DAB1: variants seen among roughly 807,000 people sequenced by gnomAD.
DAB1 encodes the protein DAB adaptor protein 1.
In DAB1, 15 loss-of-function variants were observed where a neutral mutation model predicts 64.6. The observed-to-expected ratio is 0.23, with a 90% CI of 0.16 to 0.36. DAB1 has a LOEUF of 0.36. Ranked by LOEUF, DAB1 falls within the 10% of genes least tolerant of loss-of-function variation. The pLI, the probability that DAB1 is intolerant of heterozygous loss-of-function variation, is 1.00. For missense variants in DAB1, 596 were observed against 706.7 expected (o/e 0.84, Z 1.78); for synonymous variants, 235 against 251.9 (o/e 0.93, Z 0.64).
intron 5 of DAB1, among the ~76,000 whole-genome samples, chr1:57,911,992 CTT>C (rs1281064858): frequency 6.6e-6 from 1 of 152,194 alleles, no homozygotes; most frequent in East Asian, 1.9e-4. Flanking sequence ...TGTGGTTTGT[CTT>C]TTCCCAACTG....
chr1:57,617,789 C>T (rs1645806368), intron 7 of DAB1, among the ~76,000 whole-genome samples: 1 of 152,190 alleles, frequency 6.6e-6, no homozygotes, highest in African/African-American at 2.4e-5. Context: ...CCAAGACTCA[C>T]CTGTGCTTGT....
At chr1:57,173,786 G>A (rs936999007) in intron 2 of DAB1, among the ~76,000 whole-genome samples, 5 of 152,034 alleles carry the variant, frequency 3.3e-5, no homozygotes, top group African/African-American at 1.2e-4. Context: ...TATTAACAGA[G>A]TTCCCAGCAA....
intron 7 of DAB1, among the ~76,000 whole-genome samples, chr1:57,464,580 C>G (rs538403864): frequency 6.6e-6 from 1 of 152,188 alleles, no homozygotes; most frequent in East Asian, 1.9e-4. Context: ...TCTAAGAGGC[C>G]AGCAAAGAGC....
intron 1 of DAB1, among the ~76,000 whole-genome samples, chr1:57,371,135 A>T (rs926204458): frequency 1.3e-5 from 2 of 152,238 alleles, no homozygotes; most frequent in South Asian, 4.1e-4. Flanking sequence ...CTGCTGAACC[A>T]TAACATTCTC....
chr1:57,495,065 C>T (rs975154829), intron 7 of DAB1, among the ~76,000 whole-genome samples: 4 of 152,076 alleles, frequency 2.6e-5, no homozygotes, highest in Non-Finnish European at 5.9e-5. Context: ...AAAGTAAGGT[C>T]TTGAGTCAAT....
intron 5 of DAB1, among the ~76,000 whole-genome samples, chr1:57,915,970 C>A (rs1458558578): frequency 6.6e-6 from 1 of 152,198 alleles, no homozygotes; most frequent in East Asian, 1.9e-4. Context: ...TAAAATAGGG[C>A]CCAACTCCAC....
intron 4 of DAB1, among the ~76,000 whole-genome samples, chr1:58,169,637 T>G (rs1022529394): frequency 4.6e-5 from 7 of 152,124 alleles, no homozygotes; most frequent in African/African-American, 1.7e-4. Flanking sequence ...TTCTTTTCAT[T>G]GAAGGAGAAT....
chr1:57,548,898 A>G (rs534423304), intron 7 of DAB1, among the ~76,000 whole-genome samples: 2 of 152,334 alleles, frequency 1.3e-5, no homozygotes, highest in African/African-American at 4.8e-5. Flanking sequence ...TAATTTAGTT[A>G]ATCCTCATAA....
intron 7 of DAB1, among the ~76,000 whole-genome samples, chr1:57,478,586 C>CTTTTTT (rs35538831): frequency 3.7e-3 from 300 of 81,228 alleles, no homozygotes; most frequent in Non-Finnish European, 4.7e-3. Context: ...TATTCCCATT[C>CTTTTTT]TTTTTTTTTT....
chr1:57,370,253 G>A (rs1680389937), intron 1 of DAB1, among the ~76,000 whole-genome samples: 1 of 152,134 alleles, frequency 6.6e-6, no homozygotes, highest in Non-Finnish European at 1.5e-5. Flanking sequence ...GGAAATATTT[G>A]CTAATGAATG....
At chr1:58,112,475 T>C (rs1652029571) in intron 5 of DAB1, among the ~76,000 whole-genome samples, 1 of 152,204 alleles carries the variant, frequency 6.6e-6, no homozygotes, top group Non-Finnish European at 1.5e-5. Flanking sequence ...CTCTTTCAAC[T>C]CCCAGCTGTG....
intron 11 of DAB1, among the ~76,000 whole-genome samples, chr1:57,021,771 C>T (rs975608740): frequency 4.6e-5 from 7 of 152,094 alleles, no homozygotes; most frequent in African/African-American, 1.4e-4. Flanking sequence ...GCATCTAGTC[C>T]CATCTTCTCA....
intron 4 of DAB1, among the ~76,000 whole-genome samples, chr1:57,091,446 C>G (rs1197281412): frequency 1.3e-5 from 2 of 152,094 alleles, no homozygotes; most frequent in African/African-American, 4.8e-5. Flanking sequence ...CATTCATTAT[C>G]TCATTTTGTT....
chr1:57,201,752 T>C (rs1047109618), intron 2 of DAB1, among the ~76,000 whole-genome samples: 1 of 152,198 alleles, frequency 6.6e-6, no homozygotes, highest in Non-Finnish European at 1.5e-5. Context: ...TAGCTGGATG[T>C]CTTTCATATT....
chr1:57,607,726 CATG>C (rs914521731), intron 7 of DAB1, among the ~76,000 whole-genome samples: 48 of 152,178 alleles, frequency 3.2e-4, no homozygotes, highest in African/African-American at 1.1e-3. Context: ...CTCTTTCTCC[CATG>C]ATGTCATTAA....
chr1:58,393,952 G>C (rs139020681), intron 3 of DAB1, among the ~76,000 whole-genome samples: 1 of 152,020 alleles, frequency 6.6e-6, no homozygotes, highest in Non-Finnish European at 1.5e-5. Flanking sequence ...TTATGTAAAC[G>C]TATTTCAAAA....
chr1:58,382,703 T>C (rs1174823303), intron 3 of DAB1, among the ~76,000 whole-genome samples: 2 of 152,240 alleles, frequency 1.3e-5, no homozygotes, highest in African/African-American at 4.8e-5. Flanking sequence ...AAAAGAGACA[T>C]GTAAATTTGG....
At chr1:57,782,655 G>C (rs1650153636) in intron 6 of DAB1, among the ~76,000 whole-genome samples, 1 of 152,086 alleles carries the variant, frequency 6.6e-6, no homozygotes, top group Non-Finnish European at 1.5e-5. Context: ...TTAGAAAGTA[G>C]AAGAATTAAA....
chr1:58,187,021 G>A (rs1657115520), intron 4 of DAB1, among the ~76,000 whole-genome samples: 1 of 152,182 alleles, frequency 6.6e-6, no homozygotes, highest in South Asian at 2.1e-4. Flanking sequence ...AGAAAGGAAG[G>A]GAGAAGCATT....
Sources: gnomAD v4.1 joint callset for allele counts (sites outside exome capture counted in the v4.1 genomes callset) on GRCh38, gnomAD v4.1.1 for gene constraint, MANE v1.5 for transcripts, NCBI Gene and HGNC (gene_info 2026-07-23, HGNC 2026-07-21) for gene names.